Variants in FBXO36 observed in about 807,000 individuals in gnomAD.
The protein encoded by FBXO36 is F-box only protein 36.
Under a neutral mutation model 17.0 loss-of-function variants are expected in FBXO36, and 18 were observed. The ratio of observed to expected loss-of-function variants is 1.06; its 90% confidence interval spans 0.73 to 1.57. The LOEUF is 1.57. FBXO36 is among the 40% of genes most tolerant of loss of function. FBXO36 has a pLI of 0.00. For synonymous variants in FBXO36, 83 were observed against 85.3 expected, an observed-to-expected ratio of 0.97 and a Z score of 0.15; for missense variants, 229 against 221.9, an observed-to-expected ratio of 1.03 and a Z score of -0.20.
At position 229,956,447 on chromosome 2, in the gene FBXO36, G is replaced by A. The variant is rs757349060; in HGVS notation, c.97-19794G>A. Among the ~76,000 whole-genome samples, 4 of 152,178 alleles carry A rather than the reference G, an allele frequency of 2.6e-5. No individual in the cohort carries two copies. The South Asian group carries it at 6.2e-4, about 24-fold the overall frequency. ...GGGCATCACAAGAAAGAAAATATCC[G>A]CAAAGCAGTGAGATTTAGAAGCTTA... On this transcript the variant is annotated intron_variant, in intron 1 of 3. Transcript: ENST00000283946.
intron 1 of FBXO36, among the ~76,000 whole-genome samples, chr2:229,971,991 C>CTTTT (rs918029152): frequency 1.2e-4 from 13 of 104,042 alleles, no homozygotes; most frequent in African/African-American, 3.4e-4. Flanking sequence ...GTATCCAATT[C>CTTTT]TTTTTTTTTT....
Position 229,997,891 on chromosome 2 carries a change from T to C in FBXO36, c.378+968T>C, listed in dbSNP as rs186835004. 1.5e-3 allele frequency among the ~76,000 whole-genome samples: 226 copies of C among 152,336 alleles called. 1 individual carries two copies. The highest frequency in any genetic ancestry group is 2.9e-3 in the Non-Finnish European group (196 of 68,028). ...GGATCCTGGAAGATACCTTGGTCCC[T>C]AACCCTTCTGTTGTTCCTTCAACTC... is the stretch of plus-strand genomic sequence containing the variant. On this transcript the variant is annotated intron_variant, in intron 3 of 3. Transcript: ENST00000283946.
Position 229,979,037 on chromosome 2 carries a change from C to T in FBXO36, c.205+2688C>T, listed in dbSNP as rs556085637. Among the ~76,000 whole-genome samples the T allele has an allele frequency of 4.2e-4, 64 of 151,452 alleles. 1 individual carries two copies. In the East Asian group the frequency reaches 0.012, roughly 29 times the overall value. On this transcript the variant is annotated intron_variant, in intron 2 of 3. Transcript: ENST00000283946. ...ACTAAAAATATAAAAATTAGCCGGG[C>T]GTGGGGGCAGGCGCCTGTAATCCCT...
intron 3 of FBXO36, among the ~76,000 whole-genome samples, chr2:230,000,890 C>T (rs920369631): frequency 7.0e-5 from 10 of 142,314 alleles, no homozygotes; most frequent in Admixed American, 1.5e-4. Flanking sequence ...GAGTCTCGCT[C>T]GGTCACCCAG....
At chr2:229,945,859 C>T (rs1016838199) in intron 1 of FBXO36, among the ~76,000 whole-genome samples, 1 of 151,314 alleles carries the variant, frequency 6.6e-6, no homozygotes, top group African/African-American at 2.4e-5. Flanking sequence ...CCTGTCTCTA[C>T]GAAAAATACA....
At chr2:229,934,135 C>G (rs1424606978) in intron 1 of FBXO36, among the ~76,000 whole-genome samples, 1 of 152,038 alleles carries the variant, frequency 6.6e-6, no homozygotes, top group African/African-American at 2.4e-5. Context: ...GGTGCGGTGG[C>G]TCACGCCTGT....
chr2:229,951,252 C>CT (rs985221176), intron 1 of FBXO36, among the ~76,000 whole-genome samples: 8 of 136,336 alleles, frequency 5.9e-5, no homozygotes, highest in East Asian at 2.3e-4. Context: ...TTTTTTTCTT[C>CT]TTTTTTTTTA....
chr2:229,991,792 A>G (rs2077299214), intron 2 of FBXO36, among the ~76,000 whole-genome samples: 1 of 152,178 alleles, frequency 6.6e-6, no homozygotes, highest in Non-Finnish European at 1.5e-5. Flanking sequence ...TTGACTCTTG[A>G]GTGACAACAC....
At chr2:229,980,766 C>G (rs1342110378) in intron 2 of FBXO36, among the ~76,000 whole-genome samples, 1 of 152,094 alleles carries the variant, frequency 6.6e-6, no homozygotes, top group Non-Finnish European at 1.5e-5. Flanking sequence ...TCCTGCTGGA[C>G]AGCAGGAGAG....
intron 1 of FBXO36, among the ~76,000 whole-genome samples, chr2:229,924,305 G>C (rs772401663): frequency 6.6e-6 from 1 of 151,988 alleles, no homozygotes; most frequent in Non-Finnish European, 1.5e-5. Context: ...TTTGGCCAGA[G>C]TGGTCTCCAA....
chr2:229,972,935 G>A (rs1170943809), intron 1 of FBXO36, among the ~76,000 whole-genome samples: 3 of 151,848 alleles, frequency 2.0e-5, no homozygotes, highest in East Asian at 1.9e-4. Context: ...GGTGGCGTGC[G>A]CCTGTAATCC....
chr2:229,940,557 C>T (rs2076992854), intron 1 of FBXO36, among the ~76,000 whole-genome samples: 1 of 152,124 alleles, frequency 6.6e-6, no homozygotes, highest in Non-Finnish European at 1.5e-5. Context: ...AGACTGTGAC[C>T]TTATTTAGAA....
Position 229,984,520 on chromosome 2 carries a change from C to G in FBXO36, c.205+8171C>G, listed in dbSNP as rs549351090. ...TCTCCTGCCTCAGCCTCCCAAGTAG[C>G]TGGGACTACAGGCGCCCGCCAGCAA... is the stretch of plus-strand genomic sequence containing the variant. On this transcript the variant is annotated intron_variant, in intron 2 of 3. Transcript: ENST00000283946. 9.0e-3 allele frequency among the ~76,000 whole-genome samples: 1,359 copies of G among 150,532 alleles called. 15 individuals are homozygous for G. The highest frequency in any genetic ancestry group is 0.031 in the African/African-American group (1,285 of 41,174).
At chr2:229,935,311 G>T (rs2076958541) in intron 1 of FBXO36, among the ~76,000 whole-genome samples, 2 of 152,080 alleles carry the variant, frequency 1.3e-5, no homozygotes, top group African/African-American at 2.4e-5. Context: ...ACAAAATCTT[G>T]GAACATTGAC....
At chr2:229,992,233 C>T (rs1041429762) in intron 2 of FBXO36, among the ~76,000 whole-genome samples, 8 of 151,642 alleles carry the variant, frequency 5.3e-5, no homozygotes, top group South Asian at 2.1e-4. Flanking sequence ...GTCTTGGCTA[C>T]GGCACCCTCT....
chr2:229,957,699 T>C (rs1365838178), intron 1 of FBXO36, among the ~76,000 whole-genome samples: 1 of 152,146 alleles, frequency 6.6e-6, no homozygotes, highest in Non-Finnish European at 1.5e-5. Flanking sequence ...GCTCTCACTG[T>C]TGAGAGAAAG....
Position 229,976,358 on chromosome 2 carries a change from C to G in FBXO36, c.205+9C>G, listed in dbSNP as rs499449. On this transcript the variant is annotated intron_variant, in intron 2 of 3. Transcript: ENST00000283946. ...GAATTCACATCTTCAAGGTAAGGAA[C>G]GGAACATATTATATACCCCTGTTAA... 1.3e-6 allele frequency: 2 copies of G among 1,583,458 alleles called. No individual in the cohort carries two copies. The highest frequency in any genetic ancestry group is 1.7e-5 in the Admixed American group (1 of 59,832).
intron 2 of FBXO36, among the ~76,000 whole-genome samples, chr2:229,979,343 T>A (rs1413190509): frequency 6.6e-6 from 1 of 151,152 alleles, no homozygotes; most frequent in Non-Finnish European, 1.5e-5. Flanking sequence ...ATATATATAG[T>A]GTGTGTGTAT....
chr2:229,926,168 G>A (rs916493031), intron 1 of FBXO36, among the ~76,000 whole-genome samples: 2 of 148,426 alleles, frequency 1.3e-5, no homozygotes, highest in African/African-American at 2.5e-5. Flanking sequence ...CACAGCTCAT[G>A]CCTGTAATCT....
Sources: gnomAD v4.1 joint callset for allele counts (sites outside exome capture counted in the v4.1 genomes callset) on GRCh38, gnomAD v4.1.1 for gene constraint, MANE v1.5 for transcripts, NCBI Gene and HGNC (gene_info 2026-07-23, HGNC 2026-07-21) for gene names.